Variants in ATP7A observed in about 807,000 individuals in gnomAD.
ATP7A encodes the protein ATPase copper transporting alpha, also known as copper-transporting ATPase 1.
ATP7A carries 7 observed loss-of-function variants against 83.5 expected under a neutral mutation model. That is an observed-to-expected ratio of 0.08 (90% CI 0.05 to 0.16). The LOEUF (loss-of-function observed/expected upper bound fraction) is 0.16. Ranked by LOEUF, ATP7A falls within the 10% of genes least tolerant of loss-of-function variation. The pLI, the probability that ATP7A is intolerant of heterozygous loss-of-function variation, is 1.00. For missense variants in ATP7A, 940 were observed against 1,120.8 expected (o/e 0.84, Z 2.30); for synonymous variants, 354 against 395.2 (o/e 0.90, Z 1.24).
intron 11 of ATP7A, among the ~76,000 whole-genome samples, chrX:78,015,500 A>G (rs1381352692): frequency 8.9e-6 from 1 of 112,351 alleles, no homozygotes; most frequent in Non-Finnish European, 1.9e-5. Context: ...AACCCATTAC[A>G]TTATTTTTTA....
chrX:77,966,851 G>A, intron 1 of ATP7A: 1 of 327,958 alleles, frequency 3.0e-6, no homozygotes, highest in Non-Finnish European at 6.0e-6. Context: ...GTACATGTGT[G>A]CTATGGTGGT....
chrX:77,917,916 T>C (rs1557222706), intron 1 of ATP7A, among the ~76,000 whole-genome samples: 1 of 112,210 alleles, frequency 8.9e-6, no homozygotes, highest in Non-Finnish European at 1.9e-5. Flanking sequence ...GTATTGTTTG[T>C]AACCTGTGTT....
At chrX:77,950,036 G>C (rs2077404431) in intron 1 of ATP7A, among the ~76,000 whole-genome samples, 1 of 112,112 alleles carries the variant, frequency 8.9e-6, no homozygotes, top group South Asian at 3.7e-4. Context: ...AGGAAGTCTA[G>C]TGAGGACCTC....
intron 2 of ATP7A, chrX:77,974,808 G>T (rs905563551): frequency 8.5e-5 from 25 of 294,704 alleles, no homozygotes; most frequent in African/African-American, 6.6e-4. Context: ...GCATTCCCAG[G>T]GTAAGCCTCA....
intron 4 of ATP7A, among the ~76,000 whole-genome samples, chrX:77,994,007 T>C (rs1557232316): frequency 9.0e-6 from 1 of 111,358 alleles, no homozygotes; most frequent in East Asian, 2.8e-4. Context: ...CAGGAGAAAC[T>C]GCCCATTTTT....
intron 1 of ATP7A, among the ~76,000 whole-genome samples, chrX:77,935,836 G>A (rs991032091): frequency 8.9e-6 from 1 of 112,666 alleles, no homozygotes; most frequent in African/African-American, 3.2e-5. Flanking sequence ...TCAAGGTACT[G>A]TGGGAAGCCA....
intron 6 of ATP7A, 29 bp downstream of exon 6, chrX:78,003,265 A>G: frequency 8.5e-7 from 1 of 1,178,433 alleles, no homozygotes; most frequent in Non-Finnish European, 1.2e-6. Flanking sequence ...GTGATTAATA[A>G]AACTTCCAGA....
chrX:78,012,229 CTT>C (rs1378952093), intron 9 of ATP7A, among the ~76,000 whole-genome samples: 2 of 111,854 alleles, frequency 1.8e-5, no homozygotes, highest in Non-Finnish European at 1.9e-5. Context: ...TCAAATAAAT[CTT>C]TTCCTTTATC....
chrX:78,040,105 A>G (rs1034996729), intron 18 of ATP7A, among the ~76,000 whole-genome samples: 8 of 111,119 alleles, frequency 7.2e-5, no homozygotes, highest in African/African-American at 2.6e-4. Flanking sequence ...AGAAGCAGAG[A>G]ATACCATTTT....
At chrX:78,018,035 C>A (rs2077880358) in intron 12 of ATP7A, among the ~76,000 whole-genome samples, 2 of 105,984 alleles carry the variant, frequency 1.9e-5, no homozygotes, top group African/African-American at 3.4e-5. Context: ...CTCGGCCTCC[C>A]AAAGTGCTGG....
intron 1 of ATP7A, among the ~76,000 whole-genome samples, chrX:77,933,186 ATC>A (rs782743495): frequency 2.5e-4 from 28 of 111,621 alleles, no homozygotes; most frequent in Non-Finnish European, 4.9e-4. Flanking sequence ...TGATGTTATG[ATC>A]TCTGTTTTAC....
chrX:77,951,897 G>A (rs980077122), intron 1 of ATP7A, among the ~76,000 whole-genome samples: 4 of 111,823 alleles, frequency 3.6e-5, no homozygotes, highest in African/African-American at 9.7e-5. Context: ...TTTTTTAATA[G>A]ACAATTTTTT....
Position 77,940,062 on chromosome X carries a change from A to G in ATP7A, c.-22+29227A>G, listed in dbSNP as rs782234862. Among the ~76,000 whole-genome samples, 17 of 110,741 alleles carry G rather than the reference A, an allele frequency of 1.5e-4. 1 individual carries two copies. In the South Asian group the frequency reaches 6.4e-3, roughly 42 times the overall value. On this transcript the variant is annotated intron_variant, in intron 1 of 22. Transcript: ENST00000341514. ...TTCATATGAAAGAGTAAATATTTGA[A>G]AACACACAGAGAAATTCTGAAAAAG...
At position 77,964,456 on chromosome X, in the gene ATP7A, A is replaced by T. The variant is rs782494050; in HGVS notation, c.-21-7165A>T. On this transcript the variant is annotated intron_variant, in intron 1 of 22. Transcript: ENST00000341514. ...TTTTATACTTTAAGTTCTGGGGTAC[A>T]TGTGCAGAACATGCAGTTTTGTTAC... The T allele has an allele frequency of 9.0e-5, 10 of 110,878 alleles. No homozygotes were observed. In the South Asian group the frequency reaches 3.8e-3, roughly 42 times the overall value. The allele number at this position is 110,878 out of a possible 1,213,427, so 9.1% of individuals were successfully genotyped here.
At chrX:78,009,313 C>G in intron 7 of ATP7A, 50 bp downstream of exon 7, 1 of 1,153,656 alleles carries the variant, frequency 8.7e-7, no homozygotes, top group Non-Finnish European at 1.2e-6. Flanking sequence ...TTAATCAGCA[C>G]TCCCGTGAAT....
intron 1 of ATP7A, among the ~76,000 whole-genome samples, chrX:77,936,375 G>A (rs782294091): frequency 4.5e-5 from 5 of 112,031 alleles, no homozygotes; most frequent in Non-Finnish European, 7.5e-5. Flanking sequence ...ACATATTTTT[G>A]TTGCTCACTT....
At position 77,911,590 on chromosome X, in the gene ATP7A, G is replaced by A. The variant is rs782786203; in HGVS notation, c.-22+755G>A. 2.8e-5 allele frequency among the ~76,000 whole-genome samples: 3 copies of A among 107,181 alleles called. No homozygotes were observed. The East Asian group carries it at 8.7e-4, about 31-fold the overall frequency. The allele number at this position is 107,181 out of a possible 115,157, so 93.1% of individuals were successfully genotyped here. A position where few individuals can be genotyped will look rare whatever the true frequency, so the allele number is the denominator to read the frequency against. On this transcript the variant is annotated intron_variant, in intron 1 of 22. Transcript: ENST00000341514. ...TTTTTTTTTTGCCGGGTGCGGGGGG[G>A]TGGTGGGGAGGGGGTGATGCACAAG...
chrX:78,044,209 G>A (rs782226041), intron 21 of ATP7A, among the ~76,000 whole-genome samples: 1 of 95,287 alleles, frequency 1.0e-5, no homozygotes, highest in African/African-American at 4.1e-5. Context: ...AGCCAAGATC[G>A]CGCCATCGCA....
chrX:78,050,010 T>C lies in ATP7A; in HGVS notation c.*3440T>C, dbSNP rs1193946786. 1.8e-5 allele frequency: 2 copies of C among 112,236 alleles called. No homozygotes were observed. Among genetic ancestry groups the C allele is most frequent in the African/African-American group, 6.5e-5 (2 of 30,843 alleles). 9.2% of individuals were successfully genotyped at this position (112,236 alleles called of 1,213,427 possible). ...CATTTTTAAGTATTATTTTACAAAA[T>C]AGAAAAAATATAGATTCATGCCAAA... On this transcript the variant is annotated 3_prime_UTR_variant, in exon 23 of 23. Transcript: ENST00000341514.
Sources: gnomAD v4.1 joint callset for allele counts (sites outside exome capture counted in the v4.1 genomes callset) on GRCh38, gnomAD v4.1.1 for gene constraint, MANE v1.5 for transcripts, NCBI Gene and HGNC (gene_info 2026-07-23, HGNC 2026-07-21) for gene names.